IMMT: variants seen among roughly 807,000 people sequenced by gnomAD.
The protein encoded by IMMT is inner membrane mitochondrial protein.
In IMMT, 40 loss-of-function variants were observed where a neutral mutation model predicts 92.7. That is an observed-to-expected ratio of 0.43 (90% CI 0.34 to 0.56). The LOEUF is 0.56. Among genes scored for constraint, IMMT ranks in the 20% least tolerant of loss-of-function variants. The probability of loss-of-function intolerance (pLI) is 0.03; values close to 1 mark genes in which losing one functional copy is unlikely to be tolerated. For synonymous variants in IMMT, 322 were observed against 336.1 expected, an observed-to-expected ratio of 0.96 and a Z score of 0.46; for missense variants, 831 against 912.1, an observed-to-expected ratio of 0.91 and a Z score of 1.14.
intron 9 of IMMT, chr2:86,159,234 C>T (rs1213251392): frequency 2.6e-6 from 1 of 383,536 alleles, no homozygotes; most frequent in Non-Finnish European, 5.0e-6. Flanking sequence ...TACAGGCGCA[C>T]ACCACCACAT....
chr2:86,191,584 C>T (rs1189270757), intron 1 of IMMT, among the ~76,000 whole-genome samples: 2 of 151,956 alleles, frequency 1.3e-5, no homozygotes, highest in Admixed American at 6.6e-5. Flanking sequence ...TGCCAGTCTC[C>T]ATAACTGTGT....
intron 10 of IMMT, among the ~76,000 whole-genome samples, chr2:86,154,056 G>T (rs926004004): frequency 6.6e-6 from 1 of 151,940 alleles, no homozygotes; most frequent in Non-Finnish European, 1.5e-5. Context: ...TAGAGAAGGG[G>T]TTTTGCCATG....
At chr2:86,151,251 G>T in intron 12 of IMMT, 46 bp downstream of exon 12, 1 of 1,448,750 alleles carries the variant, frequency 6.9e-7, no homozygotes, top group Non-Finnish European at 9.6e-7. Flanking sequence ...AAACAATCAA[G>T]TTAGAGTCAC....
intron 1 of IMMT, among the ~76,000 whole-genome samples, chr2:86,181,591 A>G (rs1391464702): frequency 6.6e-6 from 1 of 151,844 alleles, no homozygotes; most frequent in African/African-American, 2.4e-5. Flanking sequence ...TTTTAATATT[A>G]AAAAAAAATT....
chr2:86,167,772 G>A (rs1676817567), intron 6 of IMMT, among the ~76,000 whole-genome samples: 3 of 152,068 alleles, frequency 2.0e-5, no homozygotes, highest in African/African-American at 4.8e-5. Flanking sequence ...GTGAGCCACC[G>A]TGCCCAGCCT....
Position 86,170,688 on chromosome 2 carries a change from T to C in IMMT, c.655+61A>G, listed in dbSNP as rs1309873090. 21 of 1,118,560 alleles carry C rather than the reference T, an allele frequency of 1.9e-5. No homozygotes were observed. In the Admixed American group the frequency reaches 4.0e-4, roughly 21 times the overall value. The allele number at this position is 1,118,560 out of a possible 1,614,324, so 69.3% of individuals were successfully genotyped here. On this transcript the variant is annotated intron_variant, in intron 6 of 14. Coordinates refer to ENST00000410111, the MANE Select transcript of IMMT (RefSeq NM_006839.3). ...TAGATGACAAACTTGTGCTGATAGT[T>C]TAAGAAGAGAGCAACTGGGAGATGA...
intron 1 of IMMT, among the ~76,000 whole-genome samples, chr2:86,184,480 G>A (rs766267400): frequency 5.3e-5 from 8 of 151,836 alleles, no homozygotes; most frequent in South Asian, 2.1e-4. Flanking sequence ...ATATTAATAC[G>A]TTTGTTATTG....
At chr2:86,190,446 T>C (rs1319384126) in intron 1 of IMMT, among the ~76,000 whole-genome samples, 2 of 152,190 alleles carry the variant, frequency 1.3e-5, no homozygotes, top group Non-Finnish European at 2.9e-5. Flanking sequence ...CATATGTAAA[T>C]GACCACTTCC....
intron 1 of IMMT, among the ~76,000 whole-genome samples, chr2:86,185,938 T>C (rs1238711111): frequency 6.6e-6 from 1 of 152,164 alleles, no homozygotes; most frequent in Non-Finnish European, 1.5e-5. Flanking sequence ...ATCAAGGAAT[T>C]AGAAACATAG....
chr2:86,179,557 A>G lies in IMMT; in HGVS notation c.185T>C (p.Ile62Thr), dbSNP rs768109792. ...ATGGGAATCCCATTTGGCATATAGGATAGTGCCACCAATACCTCCACCAAC... is the reference window on the plus strand; with the variant it reads ...ATGGGAATCCCATTTGGCATATAGGGTAGTGCCACCAATACCTCCACCAAC... ...LFVGGGIGGT[I>T]LYAKWDSHFR... Residue 62 changes from isoleucine to threonine, a missense_variant, in exon 3 of 15, where the codon ATC becomes ACC. By Grantham distance (89) the Ile-to-Thr change is moderately conservative. Transcript: ENST00000410111. The G allele has an allele frequency of 2.5e-6, 4 of 1,612,996 alleles. No homozygotes were observed. The highest frequency in any genetic ancestry group is 2.2e-5 in the South Asian group (2 of 90,790).
intron 10 of IMMT, among the ~76,000 whole-genome samples, chr2:86,157,802 AAG>A (rs1675961766): frequency 2.7e-5 from 3 of 112,018 alleles, no homozygotes; most frequent in Non-Finnish European, 5.8e-5. Context: ...AAAAAAAAAA[AAG>A]AAAAAAAAAA....
chr2:86,162,334 G>A, intron 7 of IMMT, among the ~76,000 whole-genome samples: 1 of 134,738 alleles, frequency 7.4e-6, no homozygotes, highest in South Asian at 2.3e-4. Context: ...ATTTTCTAAG[G>A]AGAGTTGTTT....
intron 1 of IMMT, among the ~76,000 whole-genome samples, chr2:86,191,993 G>A (rs1458741545): frequency 1.3e-5 from 2 of 150,132 alleles, no homozygotes; most frequent in African/African-American, 4.8e-5. Context: ...GCACTTTGGG[G>A]AGGAGAAGGT....
rs773311336 is a variant in IMMT at position 86,181,404 on chromosome 2, A to T, written c.46-32T>A. Reference sequence around the variant, plus strand: ...AAGGAAAACACATCACAACCAATACAGTTAAAGGAAACTGGTAAGCTTTTA... The same window carrying T: ...AAGGAAAACACATCACAACCAATACTGTTAAAGGAAACTGGTAAGCTTTTA... On this transcript the variant is annotated intron_variant, in intron 1 of 14. Coordinates refer to ENST00000410111, the MANE Select transcript of IMMT (RefSeq NM_006839.3). 87 of 1,491,648 alleles carry T rather than the reference A, an allele frequency of 5.8e-5. 1 individual carries two copies. Among genetic ancestry groups the T allele is most frequent in the Non-Finnish European group, 5.6e-6 (6 of 1,069,474 alleles). 92.4% of individuals were successfully genotyped at this position (1,491,648 alleles called of 1,614,324 possible).
chr2:86,172,314 T>G (rs569342641), intron 4 of IMMT, among the ~76,000 whole-genome samples: 1 of 152,000 alleles, frequency 6.6e-6, no homozygotes, highest in African/African-American at 2.4e-5. Context: ...TGGCTCAGCA[T>G]TCTCTTCCCA....
chr2:86,155,686 C>T (rs1437288929), intron 10 of IMMT, among the ~76,000 whole-genome samples: 1 of 152,112 alleles, frequency 6.6e-6, no homozygotes, highest in African/African-American at 2.4e-5. Flanking sequence ...ATAATAAGAG[C>T]AATCCCAGAA....
At position 86,171,332 on chromosome 2, in the gene IMMT, C is replaced by T. The variant is rs189678459; in HGVS notation, c.435G>A (p.Ala145=). The T allele has an allele frequency of 3.5e-5, 57 of 1,611,366 alleles. No individual in the cohort carries two copies. The African/African-American group carries it at 3.7e-4, about 11-fold the overall frequency. ...TPASATAPTE[A]AQIISAAGDT... ...CACCTGCTGCAGAAATAATTTGAGC[C>T]GCTTCTGTAGGTGCTATAAATATAT... The change falls in exon 5 of 15, where the codon GCG becomes GCA. Residue 145 remains alanine, a synonymous_variant. Transcript: ENST00000410111.
intron 11 of IMMT, 128 bp downstream of exon 11, chr2:86,153,432 T>G (rs79076075): frequency 1.9e-6 from 1 of 518,308 alleles, no homozygotes; most frequent in Non-Finnish European, 3.4e-6. Flanking sequence ...AGATTTATCA[T>G]GTGACATAAT....
chr2:86,175,131 G>A (rs1173478114), intron 3 of IMMT, among the ~76,000 whole-genome samples: 1 of 151,822 alleles, frequency 6.6e-6, no homozygotes, highest in Non-Finnish European at 1.5e-5. Flanking sequence ...CTTTTCCTGT[G>A]TCCCAACCTT....
Sources: gnomAD v4.1 joint callset for allele counts (sites outside exome capture counted in the v4.1 genomes callset) on GRCh38, gnomAD v4.1.1 for gene constraint, MANE v1.5 for transcripts, NCBI Gene and HGNC (gene_info 2026-07-23, HGNC 2026-07-21) for gene names.